The following STT3B variants were observed in gnomAD, a reference collection of about 807,000 sequenced individuals.
STT3B encodes the protein STT3 oligosaccharyltransferase complex catalytic subunit B.
A neutral mutation model predicts 96.8 loss-of-function variants in STT3B; 29 were observed. That is an observed-to-expected ratio of 0.30 (90% CI 0.22 to 0.41). STT3B has a LOEUF of 0.41. Ranked by LOEUF, STT3B falls within the 10% of genes least tolerant of loss-of-function variation. STT3B has a pLI of 1.00. For missense variants in STT3B, 640 were observed against 1,022.3 expected, an observed-to-expected ratio of 0.63 and a Z score of 5.10; for synonymous variants, 367 against 360.0, an observed-to-expected ratio of 1.02 and a Z score of -0.22.
At position 31,617,030 on chromosome 3, in the gene STT3B, G is replaced by T. The variant is rs1319534710; in HGVS notation, c.1078G>T (p.Ala360Ser). Residue 360 changes from alanine (A) to serine (S), a missense_variant, in exon 7 of 16, where the codon GCT becomes TCT. Transcript: ENST00000295770. ...CCTTTTCTTTTTGGGTGTATCACTA[G>T]CTGCAGGTGCTGTGTTCCTTAGTGT... ...QTLFFLGVSL[A>S]AGAVFLSVIY... 1 of 1,611,626 alleles carries T rather than the reference G, an allele frequency of 6.2e-7. No individual in the cohort carries two copies. The highest frequency in any genetic ancestry group is 8.5e-7 in the Non-Finnish European group (1 of 1,178,174).
Position 31,636,039 on chromosome 3 carries a change from A to C in STT3B, c.2456A>C (p.Lys819Thr). 6.2e-7 allele frequency: 1 copy of C among 1,609,946 alleles called. No individual in the cohort carries two copies. Among genetic ancestry groups the C allele is most frequent in the Non-Finnish European group, 8.5e-7 (1 of 1,178,018 alleles). ...AATAAGCTGGTTTTTAAGAAAGGCA[A>C]GAAAATATCTAAGAAGACTGTTTAA... ...IKNKLVFKKG[K>T]KISKKTV The change falls in exon 16 of 16, where the codon AAG (lysine) becomes ACG (threonine). Residue 819 changes from lysine (K) to threonine (T), a missense_variant. By Grantham distance (78) the Lys-to-Thr change is moderately conservative (BLOSUM62 -1). Coordinates refer to ENST00000295770, the MANE Select transcript of STT3B (RefSeq NM_178862.3).
chr3:31,632,831 A>T, intron 14 of STT3B, 104 bp from the exon 15 acceptor site: 2 of 965,924 alleles, frequency 2.1e-6, no homozygotes, highest in Non-Finnish European at 3.2e-6. Flanking sequence ...TTGTTTTCCT[A>T]GTTTAAAGGG....
intron 3 of STT3B, among the ~76,000 whole-genome samples, chr3:31,591,478 T>C (rs1698661499): frequency 6.6e-6 from 1 of 152,126 alleles, no homozygotes; most frequent in Non-Finnish European, 1.5e-5. Context: ...TGTGTTGAAA[T>C]GCATTTTTAA....
intron 5 of STT3B, among the ~76,000 whole-genome samples, chr3:31,610,565 T>C (rs1699160607): frequency 6.6e-6 from 1 of 152,192 alleles, no homozygotes; most frequent in South Asian, 2.1e-4. Flanking sequence ...TCATTTGAAT[T>C]TGAGTCAGAC....
At chr3:31,536,722 T>G (rs1474701579) in intron 1 of STT3B, among the ~76,000 whole-genome samples, 1 of 152,216 alleles carries the variant, frequency 6.6e-6, no homozygotes, top group Non-Finnish European at 1.5e-5. Context: ...ACAATTTGAC[T>G]TCACTTTAGT....
At chr3:31,576,148 T>A (rs1319432103) in intron 1 of STT3B, among the ~76,000 whole-genome samples, 4 of 152,118 alleles carry the variant, frequency 2.6e-5, no homozygotes, top group Non-Finnish European at 5.9e-5. Flanking sequence ...CTCTACCACC[T>A]GGACCCCAAG....
At chr3:31,619,962 T>C (rs1465649918) in intron 9 of STT3B, 132 bp downstream of exon 9, 1 of 1,509,628 alleles carries the variant, frequency 6.6e-7, no homozygotes, top group Non-Finnish European at 8.8e-7. Flanking sequence ...TTATTTTGCA[T>C]AGGTGCTTAA....
chr3:31,624,202 C>T (rs971577974), intron 11 of STT3B, among the ~76,000 whole-genome samples: 21 of 152,026 alleles, frequency 1.4e-4, no homozygotes, highest in African/African-American at 5.1e-4. Flanking sequence ...CTGTGGTGTT[C>T]GTACCCGTTA....
Position 31,616,945 on chromosome 3 carries a change from G to T in STT3B, c.993G>T (p.Leu331=), listed in dbSNP as rs763982624. The T allele has an allele frequency of 1.0e-5, 16 of 1,607,432 alleles. No individual in the cohort carries two copies. The highest frequency in any genetic ancestry group is 1.4e-5 in the Non-Finnish European group (16 of 1,175,408). ...TTTAATTAGGTGTCTTTGCATTGCT[G>T]CAAGCTTATGCTTTCTTGCAGTATC... ...HMAAAGVFAL[L]QAYAFLQYLR... Residue 331 remains leucine (L), a synonymous_variant, in exon 7 of 16, where the codon CTG becomes CTT. Coordinates refer to ENST00000295770, the MANE Select transcript of STT3B (RefSeq NM_178862.3).
chr3:31,580,896 A>C (rs1002384335), intron 3 of STT3B, among the ~76,000 whole-genome samples: 3 of 152,012 alleles, frequency 2.0e-5, no homozygotes, highest in African/African-American at 7.2e-5. Context: ...ACTTATCAAA[A>C]AGTGTTTTTA....
intron 1 of STT3B, among the ~76,000 whole-genome samples, chr3:31,548,019 G>T (rs1405033578): frequency 1.3e-5 from 2 of 152,134 alleles, no homozygotes; most frequent in Non-Finnish European, 2.9e-5. Context: ...ATGAAATGCA[G>T]AGCATCTTGA....
At chr3:31,575,180 A>T (rs1414805786) in intron 1 of STT3B, among the ~76,000 whole-genome samples, 1 of 152,116 alleles carries the variant, frequency 6.6e-6, no homozygotes, top group Non-Finnish European at 1.5e-5. Context: ...AATGCAGAGA[A>T]CATAAGTAAC....
At chr3:31,536,301 GT>G (rs1697096907) in intron 1 of STT3B, among the ~76,000 whole-genome samples, 1 of 152,178 alleles carries the variant, frequency 6.6e-6, no homozygotes, top group Non-Finnish European at 1.5e-5. Flanking sequence ...ACACTCTAGT[GT>G]TTCTAGTTTG....
At chr3:31,544,263 T>G (rs900690922) in intron 1 of STT3B, among the ~76,000 whole-genome samples, 1 of 152,200 alleles carries the variant, frequency 6.6e-6, no homozygotes, top group Non-Finnish European at 1.5e-5. Context: ...ATTTAAACTT[T>G]CCCATAAGAG....
chr3:31,617,665 A>G (rs1174804134), intron 7 of STT3B, among the ~76,000 whole-genome samples: 3 of 151,950 alleles, frequency 2.0e-5, no homozygotes, highest in African/African-American at 7.2e-5. Flanking sequence ...TTATTAGTCA[A>G]CTAAAAGCTT....
intron 1 of STT3B, among the ~76,000 whole-genome samples, chr3:31,572,108 A>C (rs1403358400): frequency 7.6e-6 from 1 of 131,182 alleles, no homozygotes; most frequent in Non-Finnish European, 1.5e-5. Flanking sequence ...TTAAATATAT[A>C]TATTATATAT....
Position 31,600,365 on chromosome 3 carries a change from T to C in STT3B, c.783T>C (p.Ser261=), listed in dbSNP as rs1575434597. The change falls in exon 5 of 16, where the codon TCT becomes TCC. Residue 261 remains serine (S), a synonymous_variant. Coordinates refer to ENST00000295770, the MANE Select transcript of STT3B (RefSeq NM_178862.3). ...CCCLSYFYMV[S]AWGGYVFIIN... is the part of the protein sequence containing the mutation. ...TAGCACTTCTTTTCCTATAGGTCTC[T>C]GCTTGGGGTGGTTATGTATTTATCA... 2.6e-6 allele frequency: 4 copies of C among 1,520,596 alleles called. No homozygotes were observed. Among genetic ancestry groups the C allele is most frequent in the Non-Finnish European group, 3.6e-6 (4 of 1,104,290 alleles). 94.2% of individuals were successfully genotyped at this position (1,520,596 alleles called of 1,614,324 possible).
chr3:31,556,048 C>T (rs1367762575), intron 1 of STT3B, among the ~76,000 whole-genome samples: 1 of 152,052 alleles, frequency 6.6e-6, no homozygotes, highest in Non-Finnish European at 1.5e-5. Context: ...TTCATCTCTG[C>T]TTCTCTCCTA....
intron 14 of STT3B, 30 bp downstream of exon 14, chr3:31,629,441 C>A (rs765301294): frequency 1.6e-6 from 2 of 1,236,532 alleles, no homozygotes; most frequent in African/African-American, 1.5e-5. Context: ...CTCTAATTTT[C>A]ATTCAAAATA....
Sources: allele counts gnomAD v4.1 joint callset (sites outside exome capture counted in the v4.1 genomes callset), GRCh38; gene constraint gnomAD v4.1.1; transcripts MANE v1.5; gene names NCBI Gene and HGNC (gene_info 2026-07-23, HGNC 2026-07-21).